SASH1: variants seen among roughly 807,000 people sequenced by gnomAD.
SASH1 encodes SAM and SH3 domain containing 1, also known as SAM and SH3 domain-containing protein 1.
Under a neutral mutation model 125.2 loss-of-function variants are expected in SASH1, and 44 were observed. That is an observed-to-expected ratio of 0.35 (90% CI 0.28 to 0.45). The LOEUF (loss-of-function observed/expected upper bound fraction) is 0.45, where lower values mean the gene tolerates loss of function less well. Among genes scored for constraint, SASH1 ranks in the 20% least tolerant of loss-of-function variants. SASH1 has a pLI of 1.00. For synonymous variants in SASH1, 639 were observed against 649.1 expected (o/e 0.98, Z 0.24); for missense variants, 1,426 against 1,614.5 (o/e 0.88, Z 2.00).
chr6:148,222,256 T>A, the SASH1 span, among the ~76,000 whole-genome samples: 1 of 152,190 alleles, frequency 6.6e-6, no homozygotes, highest in African/African-American at 2.4e-5. Context: ...CCAGACACAA[T>A]CCCTATCTAT....
At position 148,532,972 on chromosome 6, in the gene SASH1, T is replaced by G; in HGVS notation, c.1734+6T>G. The G allele has an allele frequency of 6.2e-7, 1 of 1,613,448 alleles. No homozygotes were observed. The highest frequency in any genetic ancestry group is 8.5e-7 in the Non-Finnish European group (1 of 1,179,548). Reference sequence around the variant, plus strand: ...CAGACTCACTCAAGCTCAAGGTATCTCTCTCCCTGGCCTCAGAGCAGCTAA... The same window carrying G: ...CAGACTCACTCAAGCTCAAGGTATCGCTCTCCCTGGCCTCAGAGCAGCTAA... On this transcript the variant is annotated splice_donor_region_variant and intron_variant, in intron 14 of 19. Coordinates refer to ENST00000367467, the MANE Select transcript of SASH1 (RefSeq NM_015278.5). The surrounding 1 kb of genome is among the most constrained non-coding windows in gnomAD (Gnocchi z 4.7).
At chr6:148,400,540 A>G (rs1784130624) in intron 2 of SASH1, among the ~76,000 whole-genome samples, 1 of 152,150 alleles carries the variant, frequency 6.6e-6, no homozygotes, top group Non-Finnish European at 1.5e-5. Context: ...CTTTGAGCCT[A>G]GGAGTTTGAG....
At chr6:148,354,465 A>AT (rs1045706038) in intron 1 of SASH1, among the ~76,000 whole-genome samples, 1 of 151,810 alleles carries the variant, frequency 6.6e-6, no homozygotes, top group Admixed American at 6.6e-5. Flanking sequence ...TATAATCCTG[A>AT]TTTTTTTGTG....
intron 1 of SASH1, among the ~76,000 whole-genome samples, chr6:148,375,663 G>C (rs1313313614): frequency 6.6e-6 from 1 of 152,186 alleles, no homozygotes; most frequent in Non-Finnish European, 1.5e-5. Flanking sequence ...TGGCCATGAT[G>C]TCATATGTAA....
chr6:148,326,836 A>C (rs1308914257), intron 1 of SASH1, among the ~76,000 whole-genome samples: 5 of 152,232 alleles, frequency 3.3e-5, no homozygotes, highest in Non-Finnish European at 5.9e-5. Context: ...TAAATGAGGC[A>C]TACATAATAA....
At chr6:148,383,036 T>C (rs113651329) in intron 1 of SASH1, among the ~76,000 whole-genome samples, 3 of 152,356 alleles carry the variant, frequency 2.0e-5, no homozygotes, top group African/African-American at 7.2e-5. Flanking sequence ...TATTTGAGAT[T>C]AGTTATTACA....
intron 2 of SASH1, among the ~76,000 whole-genome samples, chr6:148,414,342 C>G (rs879605979): frequency 4.0e-5 from 6 of 151,796 alleles, no homozygotes; most frequent in Non-Finnish European, 7.4e-5. Flanking sequence ...GGCAGTCAAG[C>G]AGAATGGTTC....
chr6:148,515,466 T>C (rs1413685413), intron 9 of SASH1, among the ~76,000 whole-genome samples: 1 of 152,228 alleles, frequency 6.6e-6, no homozygotes, highest in Non-Finnish European at 1.5e-5. Context: ...TTGTGTTTGG[T>C]ATTATTCGTG....
chr6:148,273,743 C>T (rs1162237278), intron 1 of SASH1, among the ~76,000 whole-genome samples: 1 of 152,258 alleles, frequency 6.6e-6, no homozygotes, highest in Non-Finnish European at 1.5e-5. Flanking sequence ...CCTGCCCCTT[C>T]TCTGCTTCTG....
At chr6:148,499,344 G>A (rs998505280) in intron 8 of SASH1, among the ~76,000 whole-genome samples, 1 of 152,030 alleles carries the variant, frequency 6.6e-6, no homozygotes, top group Admixed American at 6.5e-5. Context: ...TATGCTAATA[G>A]CATCACATAA....
chr6:148,501,715 C>G (rs756300876), intron 8 of SASH1, among the ~76,000 whole-genome samples: 3 of 152,210 alleles, frequency 2.0e-5, no homozygotes, highest in East Asian at 1.9e-4. Context: ...AGCCAGTCCT[C>G]TCGCCTCTAC....
intron 2 of SASH1, among the ~76,000 whole-genome samples, chr6:148,390,820 T>G (rs9485290): frequency 5.9e-5 from 9 of 151,908 alleles, no homozygotes; most frequent in African/African-American, 1.7e-4. Context: ...ATTTTTATTT[T>G]TTTACTTAAG....
chr6:148,398,672 G>A (rs148340588), intron 2 of SASH1, among the ~76,000 whole-genome samples: 42 of 152,262 alleles, frequency 2.8e-4, no homozygotes, highest in African/African-American at 1.0e-3. Context: ...TTCTCTAAAT[G>A]GCATTAGTTT....
intron 2 of SASH1, among the ~76,000 whole-genome samples, chr6:148,422,340 TC>T (rs1191977944): frequency 1.7e-4 from 26 of 152,226 alleles, no homozygotes; most frequent in African/African-American, 6.0e-4. Context: ...TAGTCAGTGA[TC>T]CGTGTGAATT....
At chr6:148,442,974 C>T (rs535490061) in intron 4 of SASH1, among the ~76,000 whole-genome samples, 1 of 151,994 alleles carries the variant, frequency 6.6e-6, no homozygotes, top group African/African-American at 2.4e-5. Flanking sequence ...CAGGGTTTCA[C>T]CATGTTGGGC....
intron 1 of SASH1, among the ~76,000 whole-genome samples, chr6:148,321,911 AT>A (rs1180338257): frequency 6.6e-6 from 1 of 152,160 alleles, no homozygotes; most frequent in Non-Finnish European, 1.5e-5. Context: ...TACAGTGATA[AT>A]TTCTTCTATG....
At chr6:148,334,256 CT>C (rs1781082994) in intron 1 of SASH1, among the ~76,000 whole-genome samples, 1 of 143,878 alleles carries the variant, frequency 7.0e-6, no homozygotes, top group Non-Finnish European at 1.5e-5. Context: ...AACCCTGTCT[CT>C]ACTAAAAATA....
intron 1 of SASH1, among the ~76,000 whole-genome samples, chr6:148,296,975 T>G (rs921483650): frequency 1.4e-4 from 21 of 152,248 alleles, no homozygotes; most frequent in African/African-American, 4.8e-4. Flanking sequence ...ATGCTTTTCC[T>G]CAGCATGAGG....
At chr6:148,484,923 A>G (rs1778778933) in intron 7 of SASH1, among the ~76,000 whole-genome samples, 1 of 152,198 alleles carries the variant, frequency 6.6e-6, no homozygotes, top group African/African-American at 2.4e-5. Context: ...AGCCTGGACA[A>G]CAGAGCGAGA....
Sources: allele counts gnomAD v4.1 joint callset (sites outside exome capture counted in the v4.1 genomes callset), GRCh38; gene constraint gnomAD v4.1.1; non-coding constraint Gnocchi (gnomAD v3.1); transcripts MANE v1.5; gene names NCBI Gene and HGNC (gene_info 2026-07-23, HGNC 2026-07-21).